NTM: variants seen among roughly 807,000 people sequenced by gnomAD.
NTM encodes the protein neurotrimin.
In NTM, 13 loss-of-function variants were observed where a neutral mutation model predicts 42.1. The observed-to-expected ratio is 0.31, with a 90% CI of 0.20 to 0.49. NTM has a LOEUF of 0.49. Among genes scored for constraint, NTM ranks in the 20% least tolerant of loss-of-function variants. NTM has a pLI of 0.99. For missense variants in NTM, 373 were observed against 452.8 expected (o/e 0.82, Z 1.60); for synonymous variants, 187 against 179.2 (o/e 1.04, Z -0.35).
intron 2 of NTM, among the ~76,000 whole-genome samples, chr11:131,953,399 G>C (rs558252742): frequency 3.9e-5 from 6 of 152,292 alleles, no homozygotes; most frequent in Non-Finnish European, 8.8e-5. Flanking sequence ...TGTGACTTGA[G>C]TATGCGTGTG....
At chr11:131,933,610 C>T (rs968622561) in intron 2 of NTM, among the ~76,000 whole-genome samples, 5 of 152,050 alleles carry the variant, frequency 3.3e-5, no homozygotes, top group African/African-American at 9.7e-5. Flanking sequence ...TTAGGTCTCC[C>T]AGGTTTAATC....
rs554761907 is a variant in NTM, at chr11:131,735,312, A to G, written c.83-176252A>G. On this transcript the variant is annotated intron_variant, in intron 1 of 8. Coordinates refer to ENST00000683400, the MANE Select transcript of NTM (RefSeq NM_001352005.2). ...TCCCACTTCATTTCCCCCATCTTCT[A>G]TGCTCGCTTATAGGTTTTGACCCTC... Among the ~76,000 whole-genome samples, 6 of 152,238 alleles carry G rather than the reference A, an allele frequency of 3.9e-5. No individual in the cohort carries two copies. In the South Asian group the frequency reaches 6.2e-4, roughly 16 times the overall value.
intron 1 of NTM, among the ~76,000 whole-genome samples, chr11:131,625,717 G>A (rs148284930): frequency 0.011 from 1,707 of 152,232 alleles, 15 homozygotes; most frequent in Non-Finnish European, 0.019. Context: ...GCCCTGTTGT[G>A]CTCACAGCTG....
Position 131,775,134 on chromosome 11 carries a change from C to A in NTM, c.83-136430C>A, listed in dbSNP as rs116589257. 4.7e-3 allele frequency among the ~76,000 whole-genome samples: 712 copies of A among 152,288 alleles called. 7 individuals are homozygous for A. The highest frequency in any genetic ancestry group is 0.016 in the African/African-American group (646 of 41,558). On this transcript the variant is annotated intron_variant, in intron 1 of 8. Coordinates refer to ENST00000683400, the MANE Select transcript of NTM (RefSeq NM_001352005.2). ...CTCCAGGGGAATGCTGTGCTTCCAG[C>A]AAATCTGTAATTTACAAAACAGTCA...
At chr11:131,691,111 C>T (rs2074623516) in intron 1 of NTM, among the ~76,000 whole-genome samples, 2 of 152,188 alleles carry the variant, frequency 1.3e-5, no homozygotes, top group Admixed American at 6.5e-5. Flanking sequence ...GCCGGGGAGC[C>T]CTGGGCTGTG....
chr11:132,216,302 T>C (rs1439830142), intron 4 of NTM, among the ~76,000 whole-genome samples: 1 of 152,204 alleles, frequency 6.6e-6, no homozygotes, highest in Non-Finnish European at 1.5e-5. Flanking sequence ...TGTAAGAGCT[T>C]TAAAGACAAG....
chr11:131,726,404 T>C (rs1279918970), intron 1 of NTM, among the ~76,000 whole-genome samples: 2 of 145,102 alleles, frequency 1.4e-5, no homozygotes, highest in Admixed American at 6.7e-5. Flanking sequence ...CTCTCACACT[T>C]GGATTGCTGC....
At chr11:132,251,776 C>T (rs1048036228) in intron 4 of NTM, among the ~76,000 whole-genome samples, 6 of 152,158 alleles carry the variant, frequency 3.9e-5, no homozygotes, top group Non-Finnish European at 8.8e-5. Context: ...ATGAATGTGC[C>T]GTTTGGAATT....
At chr11:131,791,463 C>T (rs749902583) in intron 1 of NTM, among the ~76,000 whole-genome samples, 5 of 152,128 alleles carry the variant, frequency 3.3e-5, no homozygotes, top group Non-Finnish European at 5.9e-5. Flanking sequence ...CCACATATCA[C>T]GGATGTACAA....
chr11:132,044,315 CTT>C (rs1253894145), intron 2 of NTM, among the ~76,000 whole-genome samples: 1 of 152,104 alleles, frequency 6.6e-6, no homozygotes, highest in African/African-American at 2.4e-5. Context: ...CTGTGTGACT[CTT>C]TCTTTCATGC....
At chr11:131,828,609 T>C (rs2042426021) in intron 1 of NTM, among the ~76,000 whole-genome samples, 1 of 152,018 alleles carries the variant, frequency 6.6e-6, no homozygotes, top group Admixed American at 6.6e-5. Context: ...ACCGCCACCT[T>C]AACCATCATT....
intron 1 of NTM, among the ~76,000 whole-genome samples, chr11:131,779,935 C>T (rs141205015): frequency 1.1e-4 from 17 of 152,092 alleles, no homozygotes; most frequent in Non-Finnish European, 2.1e-4. Flanking sequence ...GGGAACAGCA[C>T]GGGTGTCACC....
At chr11:131,740,905 C>A (rs537888855) in intron 1 of NTM, among the ~76,000 whole-genome samples, 1 of 152,098 alleles carries the variant, frequency 6.6e-6, no homozygotes, top group Admixed American at 6.6e-5. Flanking sequence ...TGGTGGCTCA[C>A]GCCTGTAATC....
intron 1 of NTM, chr11:131,911,119 A>T: frequency 5.7e-6 from 7 of 1,223,284 alleles, no homozygotes; most frequent in Non-Finnish European, 7.2e-6. Context: ...CTCCTCTCCA[A>T]AGTGCCGTGT....
intron 1 of NTM, among the ~76,000 whole-genome samples, chr11:131,898,240 G>A (rs1439859747): frequency 6.6e-6 from 1 of 152,160 alleles, no homozygotes; most frequent in African/African-American, 2.4e-5. Context: ...CCAGTTCTCT[G>A]GAATATGACT....
intron 1 of NTM, among the ~76,000 whole-genome samples, chr11:131,702,073 G>C (rs868846902): frequency 5.9e-5 from 9 of 152,136 alleles, no homozygotes; most frequent in Middle Eastern, 6.8e-3. Flanking sequence ...CTCACAAATA[G>C]CCCAAACCGC....
intron 1 of NTM, among the ~76,000 whole-genome samples, chr11:131,679,569 A>G (rs1474191393): frequency 2.6e-5 from 4 of 151,776 alleles, no homozygotes; most frequent in Non-Finnish European, 2.9e-5. Context: ...CTTTCCCAGG[A>G]GCTGATCGCT....
chr11:131,469,002 C>A (rs146810068), intron 1 of NTM, among the ~76,000 whole-genome samples: 1 of 152,244 alleles, frequency 6.6e-6, no homozygotes, highest in Admixed American at 6.5e-5. Flanking sequence ...AGATGGAAAG[C>A]GTTGGTTGTT....
At chr11:132,182,652 C>G (rs560790874) in intron 3 of NTM, among the ~76,000 whole-genome samples, 1 of 152,312 alleles carries the variant, frequency 6.6e-6, no homozygotes, top group Non-Finnish European at 1.5e-5. Context: ...GTAGCTATCT[C>G]TAATACGTAC....
Sources: gnomAD v4.1 joint callset for allele counts (sites outside exome capture counted in the v4.1 genomes callset) on GRCh38, gnomAD v4.1.1 for gene constraint, MANE v1.5 for transcripts, NCBI Gene and HGNC (gene_info 2026-07-23, HGNC 2026-07-21) for gene names.